ABCA13: variants seen among roughly 807,000 people sequenced by gnomAD.
ABCA13 encodes ATP binding cassette subfamily A member 13, also known as ATP-binding cassette sub-family A member 13.
A neutral mutation model predicts 478.7 loss-of-function variants in ABCA13; 476 were observed. That is an observed-to-expected ratio of 0.99 (90% CI 0.92 to 1.07). The LOEUF is 1.07. Ranked by LOEUF, ABCA13 falls within the 50% of genes least tolerant of loss-of-function variation. ABCA13 has a pLI of 0.00. For synonymous variants in ABCA13, 2,252 were observed against 2,158.9 expected (o/e 1.04, Z -1.20); for missense variants, 6,060 against 5,910.6 (o/e 1.03, Z -0.83).
At chr7:48,434,362 T>A (rs1822544131) in intron 42 of ABCA13, among the ~76,000 whole-genome samples, 1 of 151,948 alleles carries the variant, frequency 6.6e-6, no homozygotes, top group Admixed American at 6.6e-5. Flanking sequence ...TGGGGTTGGT[T>A]TTTGTTGTGG....
intron 3 of ABCA13, among the ~76,000 whole-genome samples, chr7:48,213,267 A>G (rs1025449999): frequency 2.0e-5 from 3 of 152,196 alleles, no homozygotes; most frequent in African/African-American, 7.2e-5. Context: ...CAGATCTTGT[A>G]GGTTTCATTT....
intron 27 of ABCA13, among the ~76,000 whole-genome samples, chr7:48,323,183 A>AC (rs1438694441): frequency 1.3e-5 from 2 of 152,124 alleles, no homozygotes; most frequent in Admixed American, 1.3e-4. Context: ...TATCTCATTG[A>AC]CTTACAGGCG....
chr7:48,483,476 G>A (rs1387619564), intron 47 of ABCA13, among the ~76,000 whole-genome samples: 1 of 152,198 alleles, frequency 6.6e-6, no homozygotes, highest in East Asian at 1.9e-4. Flanking sequence ...TTTCTTTGCT[G>A]GCCAAGGAGT....
chr7:48,539,951 A>G (rs1429269516), intron 55 of ABCA13, among the ~76,000 whole-genome samples: 2 of 152,188 alleles, frequency 1.3e-5, no homozygotes, highest in Non-Finnish European at 2.9e-5. Context: ...AATCTATGTC[A>G]ATAGGTGAAA....
chr7:48,214,586 G>C (rs930375155), intron 3 of ABCA13, among the ~76,000 whole-genome samples: 1 of 152,128 alleles, frequency 6.6e-6, no homozygotes, highest in Non-Finnish European at 1.5e-5. Context: ...AGATCTTCTG[G>C]AGAACTTGCT....
chr7:48,630,287 A>G (rs1329302770), intron 59 of ABCA13, among the ~76,000 whole-genome samples: 5 of 152,096 alleles, frequency 3.3e-5, no homozygotes, highest in African/African-American at 1.2e-4. Context: ...TCCTATAGGT[A>G]GTTTCTCAAT....
At chr7:48,210,925 C>G (rs778654664) in intron 3 of ABCA13, among the ~76,000 whole-genome samples, 18 of 152,138 alleles carry the variant, frequency 1.2e-4, no homozygotes, top group Admixed American at 3.9e-4. Flanking sequence ...CTGTTCAATG[C>G]AAAATATGGG....
At chr7:48,286,123 C>T (rs1288796317) in intron 19 of ABCA13, among the ~76,000 whole-genome samples, 3 of 152,152 alleles carry the variant, frequency 2.0e-5, no homozygotes, top group Non-Finnish European at 2.9e-5. Flanking sequence ...CCCACCATAG[C>T]CTCCCTCATT....
chr7:48,624,484 A>C (rs1436532636), intron 59 of ABCA13, among the ~76,000 whole-genome samples: 1 of 151,734 alleles, frequency 6.6e-6, no homozygotes. Context: ...CTCCAGGCCA[A>C]TTTATGATTT....
intron 15 of ABCA13, among the ~76,000 whole-genome samples, chr7:48,268,129 G>A (rs1795102287): frequency 1.3e-5 from 2 of 151,776 alleles, no homozygotes; most frequent in African/African-American, 4.8e-5. Context: ...CACCAGAAAC[G>A]GTTATCTTTA....
At chr7:48,578,492 A>G (rs540529108) in intron 55 of ABCA13, among the ~76,000 whole-genome samples, 7 of 152,308 alleles carry the variant, frequency 4.6e-5, no homozygotes, top group African/African-American at 1.7e-4. Context: ...AAAATGAAAT[A>G]CTTAGCTATA....
intron 20 of ABCA13, among the ~76,000 whole-genome samples, chr7:48,293,840 G>A (rs773310808): frequency 6.6e-6 from 1 of 152,180 alleles, no homozygotes; most frequent in East Asian, 1.9e-4. Context: ...AGAGGTGGGG[G>A]TTAGAGATGT....
chr7:48,256,318 A>AT (rs1283669751), intron 15 of ABCA13, among the ~76,000 whole-genome samples: 2 of 151,890 alleles, frequency 1.3e-5, no homozygotes, highest in Admixed American at 6.6e-5. Flanking sequence ...CTATTTGTCG[A>AT]TTTTTTGTTG....
At chr7:48,644,834 G>A (rs1056576975) in intron 61 of ABCA13, 80 bp downstream of exon 61, 24 of 1,340,558 alleles carry the variant, frequency 1.8e-5, no homozygotes, top group South Asian at 5.5e-5. Flanking sequence ...AAAATTAATC[G>A]AATTGCTTCA....
intron 41 of ABCA13, among the ~76,000 whole-genome samples, chr7:48,426,055 A>C (rs1821386667): frequency 6.6e-6 from 1 of 152,156 alleles, no homozygotes; most frequent in Non-Finnish European, 1.5e-5. Context: ...ATTTATTACC[A>C]TTTATCATGT....
At chr7:48,237,599 CT>C (rs1361639655) in intron 8 of ABCA13, among the ~76,000 whole-genome samples, 1 of 152,238 alleles carries the variant, frequency 6.6e-6, no homozygotes, top group Non-Finnish European at 1.5e-5. Context: ...CTGCATCAGC[CT>C]GTGAGCCTAG....
At chr7:48,501,240 C>T (rs1830714950) in intron 48 of ABCA13, among the ~76,000 whole-genome samples, 1 of 152,100 alleles carries the variant, frequency 6.6e-6, no homozygotes, top group Non-Finnish European at 1.5e-5. Context: ...ACATTATTTT[C>T]CTAAACACTG....
At chr7:48,207,762 G>A (rs1584196677) in intron 3 of ABCA13, among the ~76,000 whole-genome samples, 1 of 152,020 alleles carries the variant, frequency 6.6e-6, no homozygotes, top group East Asian at 1.9e-4. Flanking sequence ...TCTTAACTTG[G>A]TTTGTTATAT....
At chr7:48,337,223 G>T (rs1806406753) in intron 28 of ABCA13, among the ~76,000 whole-genome samples, 1 of 152,168 alleles carries the variant, frequency 6.6e-6, no homozygotes, top group South Asian at 2.1e-4. Context: ...ACTAGATGGA[G>T]TGGTTAGAGT....
Sources: allele counts gnomAD v4.1 joint callset (sites outside exome capture counted in the v4.1 genomes callset), GRCh38; gene constraint gnomAD v4.1.1; transcripts MANE v1.5; gene names NCBI Gene and HGNC (gene_info 2026-07-23, HGNC 2026-07-21).